Variants in CNTNAP4 observed in about 807,000 individuals in gnomAD.
CNTNAP4 encodes the protein contactin associated protein family member 4.
A neutral mutation model predicts 148.4 loss-of-function variants in CNTNAP4; 98 were observed. That is an observed-to-expected ratio of 0.66 (90% CI 0.56 to 0.78). CNTNAP4 has a LOEUF of 0.78. CNTNAP4 is among the 30% of genes least tolerant of loss of function. CNTNAP4 has a pLI of 0.00. For synonymous variants in CNTNAP4, 730 were observed against 565.1 expected, an observed-to-expected ratio of 1.29 and a Z score of -4.14; for missense variants, 1,935 against 1,565.6, an observed-to-expected ratio of 1.24 and a Z score of -3.98.
chr16:76,509,618 G>A (rs1216303889), intron 15 of CNTNAP4, among the ~76,000 whole-genome samples: 1 of 97,230 alleles, frequency 1.0e-5, no homozygotes, highest in African/African-American at 2.6e-5. Flanking sequence ...TATATTAAAT[G>A]TATTTTTAAA....
At chr16:76,341,202 G>C (rs1964443982) in intron 2 of CNTNAP4, among the ~76,000 whole-genome samples, 1 of 152,078 alleles carries the variant, frequency 6.6e-6, no homozygotes, top group African/African-American at 2.4e-5. Flanking sequence ...TTTTCATTGA[G>C]AGTCTTTACC....
intron 21 of CNTNAP4, among the ~76,000 whole-genome samples, chr16:76,552,149 G>GAACA (rs35389987): frequency 0.042 from 3 of 72 alleles, no homozygotes; most frequent in East Asian, 0.25. Context: ...GGAGAGAGAA[G>GAACA]AAGGATGAAC....
chr16:76,515,379 G>C (rs890613226), intron 15 of CNTNAP4, among the ~76,000 whole-genome samples: 5 of 152,116 alleles, frequency 3.3e-5, no homozygotes, highest in Non-Finnish European at 7.4e-5. Context: ...GGTGGTAAGG[G>C]TGGTGCCCTA....
intron 15 of CNTNAP4, among the ~76,000 whole-genome samples, chr16:76,501,904 C>G (rs996105250): frequency 6.6e-6 from 1 of 152,114 alleles, no homozygotes; most frequent in East Asian, 1.9e-4. Context: ...CCCGTCTCTA[C>G]TAAAAATACA....
At chr16:76,442,082 G>A (rs1040788890) in intron 4 of CNTNAP4, among the ~76,000 whole-genome samples, 2 of 152,112 alleles carry the variant, frequency 1.3e-5, no homozygotes, top group Non-Finnish European at 1.5e-5. Flanking sequence ...TTACAATGGG[G>A]AGATTATTTT....
intron 3 of CNTNAP4, among the ~76,000 whole-genome samples, chr16:76,360,954 C>G (rs1365997638): frequency 6.6e-6 from 1 of 151,368 alleles, no homozygotes; most frequent in African/African-American, 2.4e-5. Flanking sequence ...GTAGCTGGAA[C>G]TACAGGCGCC....
chr16:76,316,314 T>A, intron 1 of CNTNAP4, 99 bp from the exon 2 acceptor site: 1 of 769,618 alleles, frequency 1.3e-6, no homozygotes, highest in Non-Finnish European at 2.3e-6. Context: ...AGATCCTAGT[T>A]TTTGATGTTG....
At chr16:76,370,430 C>T (rs1351739260) in intron 3 of CNTNAP4, among the ~76,000 whole-genome samples, 1 of 152,136 alleles carries the variant, frequency 6.6e-6, no homozygotes, top group Non-Finnish European at 1.5e-5. Context: ...CTTTTGGGGG[C>T]TGGAGCCTTG....
chr16:76,423,363 T>C (rs2079260898), intron 3 of CNTNAP4, among the ~76,000 whole-genome samples: 1 of 152,106 alleles, frequency 6.6e-6, no homozygotes, highest in Non-Finnish European at 1.5e-5. Flanking sequence ...AAAATGCAAA[T>C]TTCAGGACCC....
In CNTNAP4 at chr16:76,411,579, A is replaced by G. The variant is rs1369584463; in HGVS notation, c.391-15873A>G. Among the ~76,000 whole-genome samples, 4 of 151,494 alleles carry G rather than the reference A, an allele frequency of 2.6e-5. No homozygotes were observed. In the East Asian group the frequency reaches 5.8e-4, roughly 22 times the overall value. ...ATGCATGATAAATTATGTGATATCT[A>G]AAATATGAAGTTGAAAGGTATTTCT... On this transcript the variant is annotated intron_variant, in intron 3 of 23. Coordinates refer to ENST00000611870, the MANE Select transcript of CNTNAP4 (RefSeq NM_033401.5).
intron 1 of CNTNAP4, among the ~76,000 whole-genome samples, chr16:76,306,051 AGTCCACCACTG>A (rs1234241499): frequency 6.6e-6 from 1 of 152,156 alleles, no homozygotes; most frequent in African/African-American, 2.4e-5. Flanking sequence ...TTCTTTATCC[AGTCCACCACTG>A]GTGGGCACCT....
intron 15 of CNTNAP4, among the ~76,000 whole-genome samples, chr16:76,518,999 C>G (rs890568371): frequency 6.6e-6 from 1 of 152,174 alleles, no homozygotes; most frequent in Non-Finnish European, 1.5e-5. Context: ...TTTCCTCCCT[C>G]TCTTTGCCCT....
intron 15 of CNTNAP4, among the ~76,000 whole-genome samples, chr16:76,513,217 G>A (rs1363942062): frequency 1.3e-5 from 2 of 152,164 alleles, no homozygotes; most frequent in Non-Finnish European, 2.9e-5. Flanking sequence ...GTGAACAGGT[G>A]TGGTGGTGGG....
chr16:76,521,401 T>G (rs1405430916), intron 16 of CNTNAP4, 91 bp downstream of exon 16: 1 of 1,013,460 alleles, frequency 9.9e-7, no homozygotes, highest in Non-Finnish European at 1.4e-6. Context: ...GTGTCTACTT[T>G]ATCATCTGAT....
chr16:76,371,159 T>G (rs554533597), intron 3 of CNTNAP4, among the ~76,000 whole-genome samples: 4 of 152,318 alleles, frequency 2.6e-5, no homozygotes, highest in African/African-American at 9.6e-5. Context: ...TTGCTTTCTA[T>G]GTGGGAAAAA....
chr16:76,425,344 C>T (rs2079349446), intron 3 of CNTNAP4, among the ~76,000 whole-genome samples: 1 of 152,114 alleles, frequency 6.6e-6, no homozygotes, highest in Admixed American at 6.5e-5. Flanking sequence ...ATTGAGACAT[C>T]CGTTGAACTT....
intron 3 of CNTNAP4, among the ~76,000 whole-genome samples, chr16:76,423,398 G>A (rs923220651): frequency 6.6e-6 from 1 of 152,064 alleles, no homozygotes; most frequent in African/African-American, 2.4e-5. Flanking sequence ...GTACACAGGT[G>A]CAAGATTCGT....
chr16:76,491,343 T>C (rs2082213645), intron 13 of CNTNAP4, among the ~76,000 whole-genome samples: 1 of 152,206 alleles, frequency 6.6e-6, no homozygotes. Flanking sequence ...GCTAGGTGCA[T>C]CTAGAACATA....
At chr16:76,384,486 AC>A (rs1331163415) in intron 3 of CNTNAP4, among the ~76,000 whole-genome samples, 1 of 152,168 alleles carries the variant, frequency 6.6e-6, no homozygotes, top group Non-Finnish European at 1.5e-5. Flanking sequence ...GGCCACCCAC[AC>A]CCAAGCGAGG....
Sources: allele counts gnomAD v4.1 joint callset (sites outside exome capture counted in the v4.1 genomes callset), GRCh38; gene constraint gnomAD v4.1.1; transcripts MANE v1.5; gene names NCBI Gene and HGNC (gene_info 2026-07-23, HGNC 2026-07-21).